NUGGC: variants seen among roughly 807,000 people sequenced by gnomAD.
The protein encoded by NUGGC is nuclear GTPase SLIP-GC.
Under a neutral mutation model 92.6 loss-of-function variants are expected in NUGGC, and 58 were observed. That is an observed-to-expected ratio of 0.63 (90% CI 0.51 to 0.78). The LOEUF (loss-of-function observed/expected upper bound fraction) is 0.78. Among genes scored for constraint, NUGGC ranks in the 30% least tolerant of loss-of-function variants. NUGGC has a pLI of 0.00. For missense variants in NUGGC, 925 were observed against 964.6 expected (o/e 0.96, Z 0.54); for synonymous variants, 376 against 366.4 (o/e 1.03, Z -0.30).
At chr8:28,082,648 A>T (rs952155766) in intron 1 of NUGGC, among the ~76,000 whole-genome samples, 1 of 152,232 alleles carries the variant, frequency 6.6e-6, no homozygotes, top group African/African-American at 2.4e-5. Context: ...CATGCCTGTA[A>T]TCCCAGCACT....
At chr8:28,030,475 C>A in intron 15 of NUGGC, 57 bp from the exon 16 acceptor site, 2 of 882,034 alleles carry the variant, frequency 2.3e-6, no homozygotes, top group South Asian at 2.8e-5. Context: ...GGAAGCAGGT[C>A]AGGTGTCCCA....
intron 1 of NUGGC, among the ~76,000 whole-genome samples, chr8:28,080,066 C>T (rs1288963434): frequency 2.6e-5 from 4 of 152,232 alleles, no homozygotes; most frequent in Admixed American, 6.5e-5. Flanking sequence ...CTCAGCCTCC[C>T]GAGTAGCTGG....
chr8:28,074,373 T>A lies in NUGGC; in HGVS notation c.38A>T (p.His13Leu). 1 of 1,611,596 alleles carries A rather than the reference T, an allele frequency of 6.2e-7. No individual in the cohort carries two copies. The highest frequency in any genetic ancestry group is 8.5e-7 in the Non-Finnish European group (1 of 1,177,768). ...ETKDVFGQEP[H>L]PVEDDLYKER... ...AGATACTGCAAAGATGTTACCTGGA[T>A]GCGGTTCCTGGCCAAAAACATCCTT... The change falls in exon 2 of 19, where the codon CAT becomes CTT. Residue 13 changes from histidine (H) to leucine (L), a missense_variant. Physicochemically the swap from His to Leu is moderately conservative, Grantham distance 99. Coordinates refer to ENST00000413272, the MANE Select transcript of NUGGC (RefSeq NM_001010906.2).
intron 7 of NUGGC, among the ~76,000 whole-genome samples, chr8:28,062,052 C>T (rs1358200544): frequency 6.6e-6 from 1 of 152,136 alleles, no homozygotes; most frequent in Non-Finnish European, 1.5e-5. Flanking sequence ...GAGTGCAGGA[C>T]CCAGAACCAC....
At chr8:28,032,585 G>T (rs1809448287) in intron 14 of NUGGC, among the ~76,000 whole-genome samples, 1 of 152,074 alleles carries the variant, frequency 6.6e-6, no homozygotes, top group South Asian at 2.1e-4. Flanking sequence ...AGGCATGGTG[G>T]CAGGTGCCTA....
chr8:28,056,341 G>GGC (rs1810136398), intron 9 of NUGGC, among the ~76,000 whole-genome samples: 1 of 152,064 alleles, frequency 6.6e-6, no homozygotes, highest in Non-Finnish European at 1.5e-5. Context: ...AGCTAGGCGT[G>GGC]GCGGCACGTG....
chr8:28,062,586 C>T (rs774831610), intron 7 of NUGGC, among the ~76,000 whole-genome samples: 1 of 152,190 alleles, frequency 6.6e-6, no homozygotes, highest in Non-Finnish European at 1.5e-5. Flanking sequence ...CACTGTACTC[C>T]AGTCCAGGCA....
At chr8:28,072,853 C>T (rs373273884) in intron 2 of NUGGC, among the ~76,000 whole-genome samples, 50 of 152,024 alleles carry the variant, frequency 3.3e-4, no homozygotes, top group African/African-American at 1.1e-3. Flanking sequence ...CCAGCATTCT[C>T]CACCGAGAAA....
chr8:28,056,656 G>A (rs1810149195), intron 9 of NUGGC, among the ~76,000 whole-genome samples: 1 of 152,004 alleles, frequency 6.6e-6, no homozygotes, highest in Non-Finnish European at 1.5e-5. Flanking sequence ...ACAAAAAGGT[G>A]TCATGAATAC....
chr8:28,055,470 G>C (rs1047340829), intron 10 of NUGGC, among the ~76,000 whole-genome samples: 28 of 152,156 alleles, frequency 1.8e-4, no homozygotes, highest in African/African-American at 6.3e-4. Flanking sequence ...AATCACGGGA[G>C]ATAGATATCA....
chr8:28,071,294 G>A (rs754532856), intron 2 of NUGGC, among the ~76,000 whole-genome samples: 7 of 152,182 alleles, frequency 4.6e-5, no homozygotes, highest in Non-Finnish European at 8.8e-5. Context: ...AAAGGCCTCT[G>A]GGAGGTCTTT....
Position 28,025,718 on chromosome 8 carries a change from G to A in NUGGC, c.2245+1244C>T, listed in dbSNP as rs10088772. ...CCAGAGAGATGGAGAAGTGCAGAAC[G>A]GATTGTTAGAAGCAGCCATTGTGGC... On this transcript the variant is annotated intron_variant, in intron 18 of 18. Transcript: ENST00000413272. Among the ~76,000 whole-genome samples the A allele has an allele frequency of 4.4e-3, 668 of 152,302 alleles. 3 individuals are homozygous for A. Among genetic ancestry groups the A allele is most frequent in the African/African-American group, 0.015 (637 of 41,548 alleles).
intron 18 of NUGGC, among the ~76,000 whole-genome samples, chr8:28,025,296 A>G (rs1809228822): frequency 6.6e-6 from 1 of 152,230 alleles, no homozygotes; most frequent in African/African-American, 2.4e-5. Context: ...TTTATAAAGT[A>G]TGACCCCCTG....
intron 18 of NUGGC, among the ~76,000 whole-genome samples, chr8:28,025,775 A>G (rs62496852): frequency 0.39 from 59,138 of 152,024 alleles, 13,419 homozygotes; most frequent in Middle Eastern, 0.51. Flanking sequence ...GTCTACTTTC[A>G]CCCTGGCAAA....
At position 28,064,644 on chromosome 8, in the gene NUGGC, G is replaced by T; in HGVS notation, c.799C>A (p.Pro267Thr). Residue 267 changes from proline (P) to threonine (T), a missense_variant, in exon 7 of 19, where the codon CCC becomes ACC. Pro to Thr is a conservative substitution (Grantham distance 38). Coordinates refer to ENST00000413272, the MANE Select transcript of NUGGC (RefSeq NM_001010906.2). ...GTCACTTCCACATGTTTGATCAAGG[G>T]CCAGATGCGCATCTCAGCGGCCTCT... is the stretch of plus-strand genomic sequence containing the variant. ...DGEAAEMRIW[P>T]LIKHVEVTLP... is the part of the protein sequence containing the mutation. The T allele has an allele frequency of 6.2e-7, 1 of 1,613,952 alleles. No homozygotes were observed. The highest frequency in any genetic ancestry group is 8.5e-7 in the Non-Finnish European group (1 of 1,179,874).
Position 28,064,663 on chromosome 8 carries a change from G to A in NUGGC, c.780C>T (p.Ala260=), listed in dbSNP as rs751273733. The A allele has an allele frequency of 1.9e-5, 31 of 1,613,966 alleles. No homozygotes were observed. The highest frequency in any genetic ancestry group is 5.5e-5 in the South Asian group (5 of 91,082). ...RTQRRDWDGE[A]AEMRIWPLIK... is the part of the protein sequence containing the mutation. The stretch of plus-strand genomic sequence containing the variant: ...TCAAGGGCCAGATGCGCATCTCAGC[G>A]GCCTCTCCATCCCAATCTCTCCTCT... Residue 260 remains alanine (A), a synonymous_variant, in exon 7 of 19, where the codon GCC becomes GCT. Transcript: ENST00000413272.
At chr8:28,048,841 T>G (rs1809911671) in intron 10 of NUGGC, among the ~76,000 whole-genome samples, 1 of 132,042 alleles carries the variant, frequency 7.6e-6, no homozygotes, top group African/African-American at 3.0e-5. Flanking sequence ...CCAGCCTGGG[T>G]GACAGAGAGA....
chr8:28,031,285 G>A lies in NUGGC; in HGVS notation c.1866C>T (p.Gly622=). 1 of 1,613,976 alleles carries A rather than the reference G, an allele frequency of 6.2e-7. No individual in the cohort carries two copies. Among genetic ancestry groups the A allele is most frequent in the Non-Finnish European group, 8.5e-7 (1 of 1,179,850 alleles). Residue 622 remains glycine, a synonymous_variant, in exon 15 of 19, where the codon GGC becomes GGT. Transcript: ENST00000413272. ...TTTTTTTGCAGCTATCATATTTCCAGCCACTTCTTATCCCAATTTCTGTCA... is the reference window on the plus strand; with the variant it reads ...TTTTTTTGCAGCTATCATATTTCCAACCACTTCTTATCCCAATTTCTGTCA... ...EKMTEIGIRS[G]WKYDSCKKNF...
intron 1 of NUGGC, among the ~76,000 whole-genome samples, chr8:28,083,280 C>A (rs1810894225): frequency 6.6e-6 from 1 of 152,174 alleles, no homozygotes; most frequent in South Asian, 2.1e-4. Context: ...ATGAGAACAG[C>A]ACTTTAACTC....
Sources: allele counts gnomAD v4.1 joint callset (sites outside exome capture counted in the v4.1 genomes callset), GRCh38; gene constraint gnomAD v4.1.1; transcripts MANE v1.5; gene names NCBI Gene and HGNC (gene_info 2026-07-23, HGNC 2026-07-21).